LINGO2: variants seen among roughly 807,000 people sequenced by gnomAD.
The protein encoded by LINGO2 is leucine rich repeat and Ig domain containing 2, also known as leucine-rich repeat and immunoglobulin-like domain-containing nogo receptor-interacting protein 2.
LINGO2 carries 14 observed loss-of-function variants against 30.6 expected under a neutral mutation model. That is an observed-to-expected ratio of 0.46 (90% CI 0.30 to 0.72). The LOEUF (loss-of-function observed/expected upper bound fraction) is 0.72, where lower values mean the gene tolerates loss of function less well. Ranked by LOEUF, LINGO2 falls within the 30% of genes least tolerant of loss-of-function variation. LINGO2 has a pLI of 0.07. For missense variants in LINGO2, 729 were observed against 751.7 expected, an observed-to-expected ratio of 0.97 and a Z score of 0.35; for synonymous variants, 317 against 288.5, an observed-to-expected ratio of 1.10 and a Z score of -1.00.
At position 28,288,162 on chromosome 9, in the gene LINGO2, A is replaced by C. The variant is rs1474707182; in HGVS notation, c.-87+7046T>G. Among the ~76,000 whole-genome samples the C allele has an allele frequency of 3.3e-5, 5 of 152,270 alleles. No homozygotes were observed. In the East Asian group the frequency reaches 7.7e-4, roughly 24 times the overall value. On this transcript the variant is annotated intron_variant, in intron 4 of 5. Coordinates refer to ENST00000379992, the Ensembl canonical transcript of LINGO2. The stretch of plus-strand genomic sequence containing the variant: ...ATAAATGGCTTCATTTTCACTTTGA[A>C]CACCACCATAGCTGTGTATGTAAAA...
chr9:28,570,173 C>T lies in LINGO2; in HGVS notation c.-364-94148G>A, dbSNP rs865938681. ...CTGTGGGCATCACTGACATATAGTACAACATAATGATAGATACAATGTCAT... is the reference window on the plus strand; with the variant it reads ...CTGTGGGCATCACTGACATATAGTATAACATAATGATAGATACAATGTCAT... On this transcript the variant is annotated intron_variant, in intron 1 of 5. Coordinates refer to ENST00000379992, the Ensembl canonical transcript of LINGO2. Among the ~76,000 whole-genome samples, 5 of 151,888 alleles carry T rather than the reference C, an allele frequency of 3.3e-5. No homozygotes were observed. In the South Asian group the frequency reaches 1.0e-3, roughly 32 times the overall value.
At chr9:28,953,565 T>C in the LINGO2 span, among the ~76,000 whole-genome samples, 12 of 152,218 alleles carry the variant, frequency 7.9e-5, no homozygotes, top group South Asian at 2.5e-3. Flanking sequence ...GTGAGACTGT[T>C]CTATATTTTT....
Position 28,050,773 on chromosome 9 carries a change from A to T in LINGO2, c.-86-38368T>A, listed in dbSNP as rs905247979. The stretch of plus-strand genomic sequence containing the variant: ...GCATGCCATGATGTCTACAACTTAA[A>T]ATATTCATGTAATTCATACATGTTG... On this transcript the variant is annotated intron_variant, in intron 4 of 5. Transcript: ENST00000379992. 7.3e-5 allele frequency among the ~76,000 whole-genome samples: 11 copies of T among 150,880 alleles called. 2 individuals carry two copies. The highest frequency in any genetic ancestry group is 2.7e-4 in the African/African-American group (11 of 40,822).
At chr9:28,520,229 T>A (rs1209869857) in intron 1 of LINGO2, among the ~76,000 whole-genome samples, 2 of 152,112 alleles carry the variant, frequency 1.3e-5, no homozygotes, top group African/African-American at 4.8e-5. Context: ...ATTGCAGGTG[T>A]CTTTGTTTTA....
intron 4 of LINGO2, among the ~76,000 whole-genome samples, chr9:28,185,993 C>T (rs1328202972): frequency 1.3e-5 from 2 of 152,138 alleles, no homozygotes; most frequent in African/African-American, 4.8e-5. Flanking sequence ...AACCCGAGAA[C>T]AGAGGCTTAT....
chr9:28,673,592 G>A (rs1394883852), upstream of LINGO2, among the ~76,000 whole-genome samples: 3 of 151,800 alleles, frequency 2.0e-5, no homozygotes, highest in Non-Finnish European at 2.9e-5. Context: ...GCTTGAACCC[G>A]GGAGGCGCAA....
At chr9:28,049,826 C>A (rs1301403084) in intron 4 of LINGO2, among the ~76,000 whole-genome samples, 2 of 150,388 alleles carry the variant, frequency 1.3e-5, no homozygotes, top group African/African-American at 4.9e-5. Flanking sequence ...TTCATCAAGG[C>A]TAAAGCGGTT....
chr9:28,677,423 C>T, the LINGO2 span, among the ~76,000 whole-genome samples: 1 of 152,154 alleles, frequency 6.6e-6, no homozygotes, highest in South Asian at 2.1e-4. Flanking sequence ...ATCTCATACT[C>T]ACAATATTGG....
the LINGO2 span, among the ~76,000 whole-genome samples, chr9:29,068,662 G>A: frequency 7.2e-5 from 11 of 151,802 alleles, no homozygotes; most frequent in Non-Finnish European, 1.3e-4. Flanking sequence ...TCAGTGGAGA[G>A]CTATGAAAGA....
chr9:28,171,974 C>T (rs1225695360), intron 4 of LINGO2, among the ~76,000 whole-genome samples: 2 of 138,172 alleles, frequency 1.4e-5, no homozygotes, highest in Non-Finnish European at 3.1e-5. Flanking sequence ...GCCGAGATCA[C>T]GCCACTGCAC....
intron 1 of LINGO2, among the ~76,000 whole-genome samples, chr9:28,572,174 C>T (rs1823728694): frequency 6.6e-6 from 1 of 152,062 alleles, no homozygotes; most frequent in Non-Finnish European, 1.5e-5. Context: ...TGTGTTCTCT[C>T]TTCCCCTCTT....
the LINGO2 span, among the ~76,000 whole-genome samples, chr9:29,057,200 T>C: frequency 1.3e-5 from 2 of 152,188 alleles, no homozygotes; most frequent in African/African-American, 4.8e-5. Context: ...AGTATGGTCA[T>C]TTTCACAATA....
At chr9:28,225,224 C>T (rs1006166891) in intron 4 of LINGO2, among the ~76,000 whole-genome samples, 7 of 152,062 alleles carry the variant, frequency 4.6e-5, no homozygotes, top group South Asian at 2.1e-4. Context: ...GAAACAAATA[C>T]AACACTTAGG....
At chr9:28,480,431 G>T (rs946880216) in intron 1 of LINGO2, among the ~76,000 whole-genome samples, 4 of 151,992 alleles carry the variant, frequency 2.6e-5, no homozygotes, top group African/African-American at 9.7e-5. Context: ...ATGGGAACAG[G>T]CTCAAGGAAT....
the LINGO2 span, among the ~76,000 whole-genome samples, chr9:28,870,587 C>A: frequency 6.7e-4 from 102 of 152,098 alleles, no homozygotes; most frequent in African/African-American, 2.3e-3. Context: ...AATTCTTTGA[C>A]CTTCTGAGGT....
At chr9:28,315,149 A>C (rs1252572035) in intron 3 of LINGO2, among the ~76,000 whole-genome samples, 1 of 152,036 alleles carries the variant, frequency 6.6e-6, no homozygotes, top group African/African-American at 2.4e-5. Flanking sequence ...ACTCGCCTGT[A>C]ATCCCAGCAC....
At chr9:28,395,655 T>C (rs1288161771) in intron 2 of LINGO2, among the ~76,000 whole-genome samples, 3 of 152,178 alleles carry the variant, frequency 2.0e-5, no homozygotes, top group Non-Finnish European at 2.9e-5. Context: ...CATTGGGTGG[T>C]AAATAATTTA....
At chr9:28,844,326 C>T in the LINGO2 span, among the ~76,000 whole-genome samples, 1 of 151,820 alleles carries the variant, frequency 6.6e-6, no homozygotes, top group Non-Finnish European at 1.5e-5. Context: ...CATGCCATTG[C>T]ACTCTAGCCT....
the LINGO2 span, among the ~76,000 whole-genome samples, chr9:29,143,019 A>T: frequency 6.6e-6 from 1 of 151,398 alleles, no homozygotes; most frequent in African/African-American, 2.4e-5. Flanking sequence ...CCAAAACGTA[A>T]ATTAAGAAAA....
Sources: allele counts gnomAD v4.1 joint callset (sites outside exome capture counted in the v4.1 genomes callset), GRCh38; gene constraint gnomAD v4.1.1; transcripts MANE v1.5; gene names NCBI Gene and HGNC (gene_info 2026-07-23, HGNC 2026-07-21).